The following COL4A6 variants were observed in gnomAD, a reference collection of about 807,000 sequenced individuals.
COL4A6 encodes the protein collagen alpha-6(IV) chain.
Under a neutral mutation model 126.7 loss-of-function variants are expected in COL4A6, and 59 were observed. That is an observed-to-expected ratio of 0.47 (90% confidence interval 0.38 to 0.58). The LOEUF (loss-of-function observed/expected upper bound fraction) is 0.58. Among genes scored for constraint, COL4A6 ranks in the 20% least tolerant of loss-of-function variants. COL4A6 has a pLI of 0.00. For missense variants in COL4A6, 1,285 were observed against 1,337.3 expected (o/e 0.96, Z 0.61); for synonymous variants, 547 against 496.6 (o/e 1.10, Z -1.35).
chrX:108,278,145 T>C (rs1272812633), intron 3 of COL4A6, among the ~76,000 whole-genome samples: 1 of 112,531 alleles, frequency 8.9e-6, no homozygotes, highest in African/African-American at 3.2e-5. Flanking sequence ...GGACGGAGAA[T>C]GCCTTTGACG....
intron 2 of COL4A6, among the ~76,000 whole-genome samples, chrX:108,322,173 GC>G (rs970790876): frequency 9.1e-6 from 1 of 110,367 alleles, no homozygotes; most frequent in Non-Finnish European, 1.9e-5. Context: ...ACACACACGG[GC>G]ACACACACAC....
intron 13 of COL4A6, among the ~76,000 whole-genome samples, chrX:108,196,826 T>C (rs779901213): frequency 8.9e-6 from 1 of 112,449 alleles, no homozygotes; most frequent in Admixed American, 9.4e-5. Flanking sequence ...CATGTATTTA[T>C]AGTATCATGG....
intron 42 of COL4A6, 100 bp from the exon 43 acceptor site, chrX:108,160,754 G>A (rs1295043517): frequency 1.6e-5 from 12 of 759,023 alleles, no homozygotes; most frequent in Non-Finnish European, 2.2e-5. Context: ...TTATACACAT[G>A]TATTATCTCA....
intron 3 of COL4A6, among the ~76,000 whole-genome samples, chrX:108,307,457 G>A (rs2147897854): frequency 8.9e-6 from 1 of 112,440 alleles, no homozygotes; most frequent in African/African-American, 3.2e-5. Flanking sequence ...ATACCTTTGA[G>A]AAATCTGTTT....
chrX:108,312,717 A>G lies in COL4A6; in HGVS notation c.64-1889T>C, dbSNP rs945368640. Among the ~76,000 whole-genome samples, 9 of 112,450 alleles carry G rather than the reference A, an allele frequency of 8.0e-5. No individual in the cohort carries two copies. The Admixed American group carries it at 8.5e-4, about 11-fold the overall frequency. Reference sequence around the variant, plus strand: ...AATTATTAAGAATACAAAATAATACATAATATTAAGTGATAAAAGTCATCC... The same window carrying G: ...AATTATTAAGAATACAAAATAATACGTAATATTAAGTGATAAAAGTCATCC... On this transcript the variant is annotated intron_variant, in intron 2 of 44. Transcript: ENST00000334504.
chrX:108,352,107 C>G lies in COL4A6; in HGVS notation c.64-41279G>C, dbSNP rs376637661. Among the ~76,000 whole-genome samples the G allele has an allele frequency of 1.2e-4, 14 of 112,894 alleles. No individual in the cohort carries two copies. The East Asian group carries it at 3.6e-3, about 29-fold the overall frequency. On this transcript the variant is annotated intron_variant, in intron 2 of 44. Transcript: ENST00000334504. Reference sequence around the variant, plus strand: ...CCTTTTCTTTGGAGTCAGGTGAATGCAGGCATTTGGAGAAGTATTTCTGCG... The same window carrying G: ...CCTTTTCTTTGGAGTCAGGTGAATGGAGGCATTTGGAGAAGTATTTCTGCG...
At chrX:108,407,201 G>A (rs2041224847) in intron 2 of COL4A6, among the ~76,000 whole-genome samples, 1 of 112,060 alleles carries the variant, frequency 8.9e-6, no homozygotes, top group African/African-American at 3.2e-5. Context: ...ACCAGAAACT[G>A]TCAAGTCTAA....
intron 3 of COL4A6, among the ~76,000 whole-genome samples, chrX:108,245,176 C>T (rs1262235811): frequency 2.7e-5 from 3 of 112,374 alleles, no homozygotes; most frequent in Non-Finnish European, 1.9e-5. Context: ...TGTGTGCACA[C>T]AAACAAAAAG....
rs1388515700 is a variant in COL4A6, at chrX:108,377,301, G to A, written c.63+60641C>T. Among the ~76,000 whole-genome samples, 106 of 111,633 alleles carry A rather than the reference G, an allele frequency of 9.5e-4. 1 individual carries two copies. The highest frequency in any genetic ancestry group is 1.7e-3 in the Non-Finnish European group (90 of 53,131). On this transcript the variant is annotated intron_variant, in intron 2 of 44. Coordinates refer to ENST00000334504, the MANE Select transcript of COL4A6 (RefSeq NM_033641.4). ...CTCAGTAGATGGAATATACAATTGG[G>A]CTTTACACTGAGACATTCCATTGCC...
chrX:108,317,323 G>A (rs777292839), intron 2 of COL4A6, among the ~76,000 whole-genome samples: 32 of 111,825 alleles, frequency 2.9e-4, no homozygotes, highest in African/African-American at 1.0e-3. Flanking sequence ...AGCTTGCTTG[G>A]GAAGCGTCAG....
At chrX:108,410,861 T>C (rs1859611735) in intron 2 of COL4A6, among the ~76,000 whole-genome samples, 1 of 111,867 alleles carries the variant, frequency 8.9e-6, no homozygotes, top group African/African-American at 3.2e-5. Flanking sequence ...CCATCTTAAA[T>C]GAGTGACAAA....
chrX:108,210,164 C>T (rs965857083), intron 7 of COL4A6, among the ~76,000 whole-genome samples, 160 bp from the exon 8 acceptor site: 15 of 112,434 alleles, frequency 1.3e-4, no homozygotes, highest in African/African-American at 2.3e-4. Flanking sequence ...TGGACATATT[C>T]GACTGTTTAG....
At chrX:108,168,663 T>C (rs1305274174) in intron 37 of COL4A6, among the ~76,000 whole-genome samples, 1 of 112,184 alleles carries the variant, frequency 8.9e-6, no homozygotes, top group African/African-American at 3.2e-5. Context: ...GGTTCTGTTA[T>C]AATGTTCATT....
Position 108,187,965 on chromosome X carries a change from A to G in COL4A6, c.1650T>C (p.Ser550=), listed in dbSNP as rs1465670550. ...GATCTCCTGGCATTCCTTGGATTGT[A>G]CTGAGAATTGGTTCCCCCTTCTTTC... The part of the protein sequence containing the change: ...PKGKKGEPIL[S]TIQGMPGDRG... The change falls in exon 22 of 45, where the codon AGT becomes AGC. Residue 550 remains serine, a synonymous_variant. Coordinates refer to ENST00000334504, the MANE Select transcript of COL4A6 (RefSeq NM_033641.4). 2 of 1,205,641 alleles carry G rather than the reference A, an allele frequency of 1.7e-6. No homozygotes were observed. The highest frequency in any genetic ancestry group is 3.5e-5 in the African/African-American group (2 of 56,925).
chrX:108,364,051 T>C (rs1260818245), intron 2 of COL4A6, among the ~76,000 whole-genome samples: 1 of 110,035 alleles, frequency 9.1e-6, no homozygotes, highest in Non-Finnish European at 1.9e-5. Context: ...TTTGTATTAT[T>C]TGTAGAGATG....
chrX:108,297,836 C>G (rs1267118048), intron 3 of COL4A6, among the ~76,000 whole-genome samples: 2 of 109,977 alleles, frequency 1.8e-5, no homozygotes, highest in Non-Finnish European at 3.8e-5. Flanking sequence ...TTCCTTGGCT[C>G]AGGCTTGCAT....
chrX:108,319,899 G>A (rs1279971760), intron 2 of COL4A6, among the ~76,000 whole-genome samples: 1 of 111,845 alleles, frequency 8.9e-6, no homozygotes, highest in African/African-American at 3.3e-5. Flanking sequence ...GGAGAGAGAT[G>A]GAAGAATTGT....
At chrX:108,317,467 G>T (rs985418575) in intron 2 of COL4A6, among the ~76,000 whole-genome samples, 2 of 112,185 alleles carry the variant, frequency 1.8e-5, no homozygotes, top group South Asian at 3.7e-4. Flanking sequence ...ACTTAAGATC[G>T]CAATGGTTTA....
At chrX:108,182,296 GTTC>G in intron 23 of COL4A6, among the ~76,000 whole-genome samples, 1 of 112,505 alleles carries the variant, frequency 8.9e-6, no homozygotes, top group East Asian at 2.8e-4. Context: ...ATTAATAATA[GTTC>G]TTATTATCTT....
Sources: allele counts gnomAD v4.1 joint callset (sites outside exome capture counted in the v4.1 genomes callset), GRCh38; gene constraint gnomAD v4.1.1; transcripts MANE v1.5; gene names NCBI Gene and HGNC (gene_info 2026-07-23, HGNC 2026-07-21).